The following PAPPA2 variants were observed in gnomAD, a reference collection of about 807,000 sequenced individuals.
PAPPA2 encodes pappalysin-2.
Under a neutral mutation model 176.4 loss-of-function variants are expected in PAPPA2, and 86 were observed. The ratio of observed to expected loss-of-function variants is 0.49; its 90% CI spans 0.41 to 0.58. The LOEUF is 0.58. Among genes scored for constraint, PAPPA2 ranks in the 20% least tolerant of loss-of-function variants. The pLI is 0.00. For missense variants in PAPPA2, 2,073 were observed against 2,256.9 expected (o/e 0.92, Z 1.65); for synonymous variants, 809 against 852.2 (o/e 0.95, Z 0.88).
chr1:176,688,322 G>A (rs865825932), intron 4 of PAPPA2, among the ~76,000 whole-genome samples: 15 of 152,182 alleles, frequency 9.9e-5, no homozygotes, highest in Admixed American at 4.6e-4. Flanking sequence ...TGATACTGCC[G>A]TTAGAGGACT....
At chr1:176,793,717 C>T in intron 20 of PAPPA2, 48 bp downstream of exon 20, 3 of 1,411,238 alleles carry the variant, frequency 2.1e-6, no homozygotes, top group Non-Finnish European at 2.9e-6. Context: ...GTCTGCTGAG[C>T]AACACTTGGA....
chr1:176,711,972 T>G lies in PAPPA2; in HGVS notation c.3789T>G (p.Val1263=), dbSNP rs764157978. The G allele has an allele frequency of 2.8e-5, 45 of 1,611,658 alleles. No individual in the cohort carries two copies. The highest frequency in any genetic ancestry group is 3.6e-5 in the Non-Finnish European group (42 of 1,178,012). The change falls in exon 12 of 23, where the codon GTT becomes GTG. Residue 1263 remains valine, a synonymous_variant. Coordinates refer to ENST00000367662, the MANE Select transcript of PAPPA2 (RefSeq NM_020318.3). The part of the protein sequence containing the change: ...PEGSLKKEDE[V]WLKVCFNRPG... ...GTAGCCTGAAGAAAGAGGATGAGGT[T>G]TGGCTCAAAGTAAGTGGCCCAAATG...
Position 176,843,484 on chromosome 1 carries a change from T to C in PAPPA2, c.*1030T>C, listed in dbSNP as rs2294494. ...CACTTCCACACATGCCTGTTCCAAGTGTGGCTGTCAGCCAGTCAACAAGTT... is the reference window on the plus strand; with the variant it reads ...CACTTCCACACATGCCTGTTCCAAGCGTGGCTGTCAGCCAGTCAACAAGTT... On this transcript the variant is annotated 3_prime_UTR_variant, in exon 23 of 23. Coordinates refer to ENST00000367662, the MANE Select transcript of PAPPA2 (RefSeq NM_020318.3). 10,280 of 152,212 alleles carry C rather than the reference T, an allele frequency of 0.068. 447 individuals carry two copies. The highest frequency in any genetic ancestry group is 0.14 in the South Asian group (699 of 4,826). 9.4% of individuals were successfully genotyped at this position (152,212 alleles called of 1,614,324 possible).
intron 17 of PAPPA2, among the ~76,000 whole-genome samples, chr1:176,778,640 G>A (rs1252055177): frequency 2.0e-5 from 3 of 152,186 alleles, no homozygotes; most frequent in Non-Finnish European, 4.4e-5. Flanking sequence ...TAAGCTCTGT[G>A]TCATAGCGGT....
At chr1:176,715,577 C>T (rs575250980) in intron 12 of PAPPA2, among the ~76,000 whole-genome samples, 5 of 152,272 alleles carry the variant, frequency 3.3e-5, no homozygotes, top group South Asian at 2.1e-4. Flanking sequence ...TGGGGAGCCA[C>T]GTGTTCTTTC....
At chr1:176,673,816 C>G (rs1413354553) in intron 4 of PAPPA2, among the ~76,000 whole-genome samples, 2 of 152,124 alleles carry the variant, frequency 1.3e-5, no homozygotes, top group African/African-American at 2.4e-5. Context: ...CTGTATATAA[C>G]TTAGTCTTTT....
chr1:176,697,779 G>A (rs1260447830), intron 7 of PAPPA2, among the ~76,000 whole-genome samples: 1 of 151,966 alleles, frequency 6.6e-6, no homozygotes, highest in Non-Finnish European at 1.5e-5. Flanking sequence ...ATTCTTTTAT[G>A]TATTTATTGT....
intron 21 of PAPPA2, among the ~76,000 whole-genome samples, chr1:176,839,297 T>C (rs61821312): frequency 0.059 from 9,006 of 152,282 alleles, 351 homozygotes; most frequent in Non-Finnish European, 0.086. Flanking sequence ...AAATAATGCA[T>C]TGGGCTGCTG....
chr1:176,680,304 G>T (rs551872810), intron 4 of PAPPA2, among the ~76,000 whole-genome samples: 60 of 152,228 alleles, frequency 3.9e-4, no homozygotes, highest in Non-Finnish European at 6.8e-4. Flanking sequence ...TTTATAAATA[G>T]CGAGTGTTCA....
At chr1:176,833,435 C>T (rs1479897223) in intron 21 of PAPPA2, among the ~76,000 whole-genome samples, 1 of 152,202 alleles carries the variant, frequency 6.6e-6, no homozygotes, top group African/African-American at 2.4e-5. Flanking sequence ...TACAAAGGGC[C>T]AAGACCTAGG....
At chr1:176,614,619 A>G (rs1655106141) in intron 3 of PAPPA2, among the ~76,000 whole-genome samples, 1 of 152,126 alleles carries the variant, frequency 6.6e-6, no homozygotes, top group African/African-American at 2.4e-5. Context: ...TTTTATTTCA[A>G]TAGCTTTTTG....
intron 12 of PAPPA2, among the ~76,000 whole-genome samples, chr1:176,713,291 G>T (rs1376742952): frequency 6.6e-6 from 1 of 151,832 alleles, no homozygotes; most frequent in East Asian, 1.9e-4. Flanking sequence ...AAGTAGCTAG[G>T]ACAAGAGTTG....
At chr1:176,674,904 AGT>A (rs1659207587) in intron 4 of PAPPA2, among the ~76,000 whole-genome samples, 1 of 152,026 alleles carries the variant, frequency 6.6e-6, no homozygotes, top group African/African-American at 2.4e-5. Flanking sequence ...GCAGTGTGAA[AGT>A]GTTCCCTTTT....
At chr1:176,468,991 A>G (rs1651755783) in intron 1 of PAPPA2, among the ~76,000 whole-genome samples, 1 of 152,222 alleles carries the variant, frequency 6.6e-6, no homozygotes, top group Non-Finnish European at 1.5e-5. Flanking sequence ...GGTAGGTGGA[A>G]GAATCAGGAT....
intron 1 of PAPPA2, among the ~76,000 whole-genome samples, chr1:176,518,044 C>G (rs1265026831): frequency 6.6e-6 from 1 of 152,056 alleles, no homozygotes; most frequent in Admixed American, 6.6e-5. Context: ...TGTCTAACCC[C>G]CTTCATTTTA....
chr1:176,464,322 G>A (rs1217797962), intron 1 of PAPPA2, among the ~76,000 whole-genome samples: 3 of 152,160 alleles, frequency 2.0e-5, no homozygotes, highest in African/African-American at 7.2e-5. Flanking sequence ...CAGTTGAGAA[G>A]TCTGTTTGTA....
intron 17 of PAPPA2, among the ~76,000 whole-genome samples, chr1:176,782,424 A>T (rs1459411485): frequency 6.6e-6 from 1 of 152,210 alleles, no homozygotes; most frequent in East Asian, 1.9e-4. Flanking sequence ...ATGAAAGGAA[A>T]AAAGATGCTT....
intron 21 of PAPPA2, among the ~76,000 whole-genome samples, chr1:176,836,995 T>C (rs1667295885): frequency 6.6e-6 from 1 of 152,122 alleles, no homozygotes; most frequent in Non-Finnish European, 1.5e-5. Flanking sequence ...ACACTATCTC[T>C]ATGGCTAACT....
intron 3 of PAPPA2, among the ~76,000 whole-genome samples, chr1:176,638,189 G>A (rs1656834812): frequency 6.6e-6 from 1 of 151,974 alleles, no homozygotes; most frequent in Non-Finnish European, 1.5e-5. Context: ...ATTCTTTCCT[G>A]TTGTTTAATA....
Sources: allele counts gnomAD v4.1 joint callset (sites outside exome capture counted in the v4.1 genomes callset), GRCh38; gene constraint gnomAD v4.1.1; transcripts MANE v1.5; gene names NCBI Gene and HGNC (gene_info 2026-07-23, HGNC 2026-07-21).